ATP2A2: variants seen among roughly 807,000 people sequenced by gnomAD.
The protein encoded by ATP2A2 is ATPase sarcoplasmic/endoplasmic reticulum Ca2+ transporting 2.
A neutral mutation model predicts 109.3 loss-of-function variants in ATP2A2; 14 were observed. The ratio of observed to expected loss-of-function variants is 0.13; its 90% CI spans 0.08 to 0.20. The LOEUF is 0.20. Ranked by LOEUF, ATP2A2 falls within the 10% of genes least tolerant of loss-of-function variation. ATP2A2 has a pLI of 1.00. For synonymous variants in ATP2A2, 506 were observed against 490.9 expected (o/e 1.03, Z -0.41); for missense variants, 657 against 1,321.6 (o/e 0.50, Z 7.80).
chr12:110,297,369 G>T (rs1014350757), intron 5 of ATP2A2, among the ~76,000 whole-genome samples: 3 of 149,992 alleles, frequency 2.0e-5, no homozygotes, highest in Non-Finnish European at 4.4e-5. Flanking sequence ...CTGGGAGGCG[G>T]AGGTTGCAGT....
At chr12:110,341,321 C>T (rs1879332625) in intron 14 of ATP2A2, among the ~76,000 whole-genome samples, 1 of 152,020 alleles carries the variant, frequency 6.6e-6, no homozygotes, top group African/African-American at 2.4e-5. Context: ...GTTTGGATCA[C>T]CCTGCTTTTA....
intron 5 of ATP2A2, among the ~76,000 whole-genome samples, chr12:110,310,414 C>T (rs1048539861): frequency 1.1e-4 from 16 of 152,178 alleles, no homozygotes; most frequent in Non-Finnish European, 1.9e-4. Flanking sequence ...GCATGAGCCA[C>T]CATTCCCAGC....
At chr12:110,305,730 T>C (rs1027024918) in intron 5 of ATP2A2, among the ~76,000 whole-genome samples, 1 of 152,166 alleles carries the variant, frequency 6.6e-6, no homozygotes, top group Admixed American at 6.6e-5. Context: ...TACATTTACA[T>C]ATAAATTTTT....
chr12:110,313,461 C>T (rs1876321697), intron 5 of ATP2A2, among the ~76,000 whole-genome samples: 1 of 151,610 alleles, frequency 6.6e-6, no homozygotes, highest in African/African-American at 2.4e-5. Flanking sequence ...TACAGGCACC[C>T]ACCACAATGT....
chr12:110,325,293 A>T (rs1388351575), intron 6 of ATP2A2, among the ~76,000 whole-genome samples: 1 of 152,186 alleles, frequency 6.6e-6, no homozygotes, highest in African/African-American at 2.4e-5. Context: ...ATTTAGAGAC[A>T]TATTTTACTC....
intron 5 of ATP2A2, among the ~76,000 whole-genome samples, chr12:110,307,523 C>T (rs1191373156): frequency 1.3e-5 from 2 of 152,110 alleles, no homozygotes; most frequent in African/African-American, 4.8e-5. Flanking sequence ...CGTGAGCCAC[C>T]GTGCCCAGCA....
At chr12:110,345,227 A>G (rs753642599) in intron 17 of ATP2A2, 22 bp from the exon 18 acceptor site, 1 of 1,614,056 alleles carries the variant, frequency 6.2e-7, no homozygotes, top group Admixed American at 1.7e-5. Context: ...GCTGATAGGA[A>G]TTTGATTGGA....
Position 110,300,087 on chromosome 12 carries a change from C to T in ATP2A2, c.463+3350C>T, listed in dbSNP as rs543508777. Among the ~76,000 whole-genome samples, 7 of 149,822 alleles carry T rather than the reference C, an allele frequency of 4.7e-5. No individual in the cohort carries two copies. The South Asian group carries it at 1.3e-3, about 27-fold the overall frequency. On this transcript the variant is annotated intron_variant, in intron 5 of 19. Transcript: ENST00000539276. ...AGCTCCTTCCGTCAGTCTGTCCGTC[C>T]GTCTGTCCTTCCTTCCTTCCTCCCC...
At chr12:110,343,098 G>A in intron 15 of ATP2A2, 134 bp from the exon 16 acceptor site, 3 of 928,142 alleles carry the variant, frequency 3.2e-6, no homozygotes, top group Non-Finnish European at 3.4e-6. Flanking sequence ...TCAAAATTGG[G>A]TATAAGTATT....
At position 110,301,956 on chromosome 12, in the gene ATP2A2, T is replaced by TATTA. The variant is rs140916366; in HGVS notation, c.463+5220_463+5223dup. On this transcript the variant is annotated intron_variant, in intron 5 of 19. Coordinates refer to ENST00000539276, the MANE Select transcript of ATP2A2 (RefSeq NM_170665.4). ...GATCTTATGGTGGTGAAGCTTTGAT[T>TATTA]ATTACCCTGACCTATCTCGCTTTCT... Among the ~76,000 whole-genome samples, 850 of 152,338 alleles carry TATTA rather than the reference T, an allele frequency of 5.6e-3. 8 individuals are homozygous for TATTA. The highest frequency in any genetic ancestry group is 0.019 in the African/African-American group (797 of 41,568).
At chr12:110,294,273 G>A (rs1873718111) in intron 4 of ATP2A2, among the ~76,000 whole-genome samples, 1 of 152,000 alleles carries the variant, frequency 6.6e-6, no homozygotes, top group Admixed American at 6.5e-5. Flanking sequence ...TCGATCTCCT[G>A]ACCTTGTGAT....
intron 5 of ATP2A2, among the ~76,000 whole-genome samples, chr12:110,312,203 G>A (rs1344927055): frequency 1.3e-5 from 2 of 151,964 alleles, no homozygotes; most frequent in Non-Finnish European, 2.9e-5. Context: ...AAAAAGTTCG[G>A]GGGGTGGGGA....
At chr12:110,314,616 TC>T (rs1368345252) in intron 5 of ATP2A2, among the ~76,000 whole-genome samples, 1 of 152,220 alleles carries the variant, frequency 6.6e-6, no homozygotes, top group Non-Finnish European at 1.5e-5. Flanking sequence ...TGTCTCATTT[TC>T]CTCATCTATA....
At chr12:110,293,849 T>C (rs1873634368) in intron 4 of ATP2A2, among the ~76,000 whole-genome samples, 1 of 125,620 alleles carries the variant, frequency 8.0e-6, no homozygotes. Context: ...TGTGTGTGTG[T>C]GTGTGTGTGT....
chr12:110,307,841 CTT>C (rs1447814285), intron 5 of ATP2A2, among the ~76,000 whole-genome samples: 1 of 152,156 alleles, frequency 6.6e-6, no homozygotes, highest in Non-Finnish European at 1.5e-5. Flanking sequence ...TGCAGAAACT[CTT>C]TCGTTTAACT....
Position 110,346,048 on chromosome 12 carries a change from T to C in ATP2A2, c.2789T>C (p.Ile930Thr), listed in dbSNP as rs1879823526. 1 of 1,614,174 alleles carries C rather than the reference T, an allele frequency of 6.2e-7. No homozygotes were observed. The highest frequency in any genetic ancestry group is 8.5e-7 in the Non-Finnish European group (1 of 1,180,026). ...SLLRMPPWENIWLVGSICLSM... is the reference protein window; with the variant it reads ...SLLRMPPWENTWLVGSICLSM... The stretch of plus-strand genomic sequence containing the variant: ...CTGAGGATGCCCCCCTGGGAGAACA[T>C]CTGGCTCGTGGGCTCCATCTGCCTG... Residue 930 changes from isoleucine to threonine, a missense_variant, in exon 19 of 20, where the codon ATC becomes ACC. Transcript: ENST00000539276.
At chr12:110,320,829 G>A (rs1264534116) in intron 5 of ATP2A2, among the ~76,000 whole-genome samples, 1 of 152,096 alleles carries the variant, frequency 6.6e-6, no homozygotes, top group Non-Finnish European at 1.5e-5. Context: ...TGCTTACTTA[G>A]GCTATAGCAT....
chr12:110,341,612 GCCTGTAACC>G lies in ATP2A2; in HGVS notation c.2098-613_2098-605del, dbSNP rs1042592743. On this transcript the variant is annotated intron_variant, in intron 14 of 19. Transcript: ENST00000539276. ...TTTTTGGCCGAGTGCAGTGGCTCAT[GCCTGTAACC>G]CCAACACTTGGGAGGCCGAGGCAGG... Among the ~76,000 whole-genome samples the G allele has an allele frequency of 5.6e-4, 86 of 152,284 alleles. 1 individual carries two copies. Among genetic ancestry groups the G allele is most frequent in the African/African-American group, 2.0e-3 (85 of 41,558 alleles).
intron 6 of ATP2A2, among the ~76,000 whole-genome samples, chr12:110,325,464 T>A (rs1414096775): frequency 6.6e-6 from 1 of 151,416 alleles, no homozygotes; most frequent in Admixed American, 6.6e-5. Context: ...GCAAAACCTG[T>A]CTCTACTAAA....
Sources: gnomAD v4.1 joint callset for allele counts (sites outside exome capture counted in the v4.1 genomes callset) on GRCh38, gnomAD v4.1.1 for gene constraint, MANE v1.5 for transcripts, NCBI Gene and HGNC (gene_info 2026-07-23, HGNC 2026-07-21) for gene names.